ODR4: variants seen among roughly 807,000 people sequenced by gnomAD.
ODR4 encodes the protein odr-4 GPCR localization factor homolog, also known as protein odr-4 homolog.
Under a neutral mutation model 60.2 loss-of-function variants are expected in ODR4, and 47 were observed. That is an observed-to-expected ratio of 0.78 (90% CI 0.62 to 1.00). ODR4 has a LOEUF of 1.00. Among genes scored for constraint, ODR4 ranks in the 50% least tolerant of loss-of-function variants. ODR4 has a pLI of 0.00. For missense variants in ODR4, 488 were observed against 530.8 expected, an observed-to-expected ratio of 0.92 and a Z score of 0.79; for synonymous variants, 178 against 175.5, an observed-to-expected ratio of 1.01 and a Z score of -0.11.
At chr1:186,391,161 G>A (rs867525599) in intron 7 of ODR4, among the ~76,000 whole-genome samples, 6 of 152,004 alleles carry the variant, frequency 3.9e-5, no homozygotes, top group Middle Eastern at 6.4e-3. Context: ...AAATATAACA[G>A]TATTCATTAA....
the ODR4 span, among the ~76,000 whole-genome samples, chr1:186,429,521 T>TA: frequency 6.6e-6 from 1 of 152,112 alleles, no homozygotes; most frequent in Non-Finnish European, 1.5e-5. Flanking sequence ...AAGAAATAGT[T>TA]ACTACAAAAA....
At chr1:186,394,963 C>T (rs1660613979) in intron 9 of ODR4, among the ~76,000 whole-genome samples, 6 of 152,118 alleles carry the variant, frequency 3.9e-5, no homozygotes, top group Admixed American at 3.9e-4. Flanking sequence ...AGGCTTACTT[C>T]ATGGTTTATT....
Position 186,417,575 on chromosome 1 carries a change from T to C in ODR4, c.1218T>C (p.Ala406=), listed in dbSNP as rs1661619937. ...TGAGTTCTTCTATGAATAGTCAAGC[T>C]TCATTGGACAACACAGATGATGAAC... The part of the protein sequence containing the change: ...ACMSSSMNSQ[A]SLDNTDDEQP... The change falls in exon 13 of 14, where the codon GCT becomes GCC. Residue 406 remains alanine (A), a synonymous_variant. Transcript: ENST00000287859. 1 of 1,599,850 alleles carries C rather than the reference T, an allele frequency of 6.3e-7. No homozygotes were observed. The highest frequency in any genetic ancestry group is 8.5e-7 in the Non-Finnish European group (1 of 1,171,642).
In ODR4 at chr1:186,384,284, G is replaced by T. The variant is rs115244703; in HGVS notation, c.234+1128G>T. 2.6e-5 allele frequency among the ~76,000 whole-genome samples: 4 copies of T among 151,414 alleles called. No individual in the cohort carries two copies. In the South Asian group the frequency reaches 8.4e-4, roughly 32 times the overall value. On this transcript the variant is annotated intron_variant, in intron 3 of 13. Coordinates refer to ENST00000287859, the MANE Select transcript of ODR4 (RefSeq NM_017847.6). ...CAGAGAGGAAGCAAGGGGTTGGGAGGTGCTAGGCTTTTTTTTTTAACAACC... is the reference window on the plus strand; with the variant it reads ...CAGAGAGGAAGCAAGGGGTTGGGAGTTGCTAGGCTTTTTTTTTTAACAACC...
At chr1:186,432,966 A>G in the ODR4 span, among the ~76,000 whole-genome samples, 1 of 151,846 alleles carries the variant, frequency 6.6e-6, no homozygotes, top group African/African-American at 2.4e-5. Context: ...TTGTATTTTT[A>G]GTAGAGATGG....
chr1:186,413,413 A>G (rs934635644), intron 12 of ODR4, among the ~76,000 whole-genome samples: 5 of 152,300 alleles, frequency 3.3e-5, no homozygotes, highest in African/African-American at 1.2e-4. Flanking sequence ...CCAAGTAAGT[A>G]TCTTAAAATA....
In ODR4 at chr1:186,386,080, T is replaced by G. The variant is rs767055367; in HGVS notation, c.327T>G (p.Arg109=). The part of the protein sequence containing the change: ...ELANDFQNAL[R]RLMFAVEKSI... ...CAAATGATTTTCAAAATGCCCTGCG[T>G]AGAGTAAGTTTGATATATCGAAAAT... Residue 109 remains arginine (R), a synonymous_variant, in exon 4 of 14, where the codon CGT becomes CGG. Coordinates refer to ENST00000287859, the MANE Select transcript of ODR4 (RefSeq NM_017847.6). 1.3e-6 allele frequency: 2 copies of G among 1,565,530 alleles called. No individual in the cohort carries two copies.
At chr1:186,398,096 G>A (rs1308525926) in intron 9 of ODR4, among the ~76,000 whole-genome samples, 2 of 152,096 alleles carry the variant, frequency 1.3e-5, no homozygotes, top group Non-Finnish European at 2.9e-5. Flanking sequence ...ATGTAGTTGT[G>A]TTTAATTTCA....
chr1:186,400,472 G>T (rs566704847), intron 11 of ODR4: 1 of 152,118 alleles, frequency 6.6e-6, no homozygotes, highest in South Asian at 2.1e-4. Flanking sequence ...TAGAGACAGG[G>T]TTTCACCATG....
rs998623807 is a variant in ODR4, at chr1:186,394,029, A to G, written c.780+14A>G. On this transcript the variant is annotated intron_variant, in intron 9 of 13. Transcript: ENST00000287859. ...CTAACGCAGTTGGTAAATATTTTAAAATAACACTTAAAATATTTATTAGCA... is the reference window on the plus strand; with the variant it reads ...CTAACGCAGTTGGTAAATATTTTAAGATAACACTTAAAATATTTATTAGCA... 7.9e-7 allele frequency: 1 copy of G among 1,267,388 alleles called. No individual in the cohort carries two copies. Among genetic ancestry groups the G allele is most frequent in the Non-Finnish European group, 1.1e-6 (1 of 900,338 alleles). The allele number at this position is 1,267,388 out of a possible 1,614,324, so 78.5% of individuals were successfully genotyped here.
In ODR4 at chr1:186,380,120, C is replaced by T. The variant is rs545876317; in HGVS notation, c.99+236C>T. On this transcript the variant is annotated intron_variant, in intron 2 of 13. Transcript: ENST00000287859. ...ACACCTTCCCCTTTGACCATGTAAA[C>T]GTAATTTATAATATGGAAACTTCAG... Among the ~76,000 whole-genome samples, 8 of 152,214 alleles carry T rather than the reference C, an allele frequency of 5.3e-5. No homozygotes were observed. The East Asian group carries it at 1.2e-3, about 22-fold the overall frequency.
chr1:186,398,884 TGTTA>T (rs1006385390), intron 10 of ODR4, 66 bp from the exon 11 acceptor site: 60 of 1,109,160 alleles, frequency 5.4e-5, no homozygotes, highest in Non-Finnish European at 7.7e-5. Flanking sequence ...TTATTTTTTT[TGTTA>T]GTTAAATATT....
chr1:186,427,668 C>A, the ODR4 span, among the ~76,000 whole-genome samples: 2 of 152,168 alleles, frequency 1.3e-5, no homozygotes, highest in African/African-American at 4.8e-5. Flanking sequence ...AATGATTAAG[C>A]TTTTCCAAAG....
At chr1:186,407,512 G>A (rs979944787) in intron 12 of ODR4, among the ~76,000 whole-genome samples, 9 of 152,010 alleles carry the variant, frequency 5.9e-5, no homozygotes, top group Non-Finnish European at 1.3e-4. Flanking sequence ...TATAATGTTG[G>A]TAGGATCATT....
rs2102026651 is a variant in ODR4 at position 186,386,579 on chromosome 1, A to T, written c.330+496A>T. Among the ~76,000 whole-genome samples, 3 of 152,250 alleles carry T rather than the reference A, an allele frequency of 2.0e-5. 1 individual carries two copies. The South Asian group carries it at 6.2e-4, about 32-fold the overall frequency. Reference sequence around the variant, plus strand: ...TCTAATAATTTGTTGTAAAAAAGGCATCTTTGTGGAAGTAATTCTTTTTGA... The same window carrying T: ...TCTAATAATTTGTTGTAAAAAAGGCTTCTTTGTGGAAGTAATTCTTTTTGA... On this transcript the variant is annotated intron_variant, in intron 4 of 13. Coordinates refer to ENST00000287859, the MANE Select transcript of ODR4 (RefSeq NM_017847.6).
intron 4 of ODR4, 33 bp downstream of exon 4, chr1:186,386,116 A>T: frequency 1.6e-6 from 2 of 1,241,936 alleles, no homozygotes; most frequent in Non-Finnish European, 1.1e-6. Context: ...TCTTAATGAA[A>T]TCAGTTATAT....
intron 4 of ODR4, among the ~76,000 whole-genome samples, chr1:186,387,305 T>A (rs779643519): frequency 6.6e-6 from 1 of 152,180 alleles, no homozygotes. Flanking sequence ...TAAATTTACC[T>A]TGTTTACAAT....
chr1:186,397,542 A>G (rs1169662781), intron 9 of ODR4, among the ~76,000 whole-genome samples: 1 of 152,174 alleles, frequency 6.6e-6, no homozygotes, highest in Non-Finnish European at 1.5e-5. Flanking sequence ...TAATATTTGC[A>G]GAATACATAC....
chr1:186,433,154 T>G, the ODR4 span, among the ~76,000 whole-genome samples: 19,533 of 152,146 alleles, frequency 0.13, 1,583 homozygotes, highest in East Asian at 0.38. Context: ...TTATATTAAT[T>G]TATGCATGTA....
Sources: gnomAD v4.1 joint callset for allele counts (sites outside exome capture counted in the v4.1 genomes callset) on GRCh38, gnomAD v4.1.1 for gene constraint, MANE v1.5 for transcripts, NCBI Gene and HGNC (gene_info 2026-07-23, HGNC 2026-07-21) for gene names.